FARS2: variants seen among roughly 807,000 people sequenced by gnomAD.
The protein encoded by FARS2 is phenylalanyl-tRNA synthetase 2, mitochondrial.
In FARS2, 40 loss-of-function variants were observed where a neutral mutation model predicts 46.4. That is an observed-to-expected ratio of 0.86 (90% confidence interval 0.67 to 1.12). The LOEUF (loss-of-function observed/expected upper bound fraction) is 1.12. Among genes scored for constraint, FARS2 ranks in the 50% most tolerant of loss-of-function variants. FARS2 has a pLI of 0.00. For missense variants in FARS2, 513 were observed against 567.9 expected, an observed-to-expected ratio of 0.90 and a Z score of 0.98; for synonymous variants, 234 against 214.9, an observed-to-expected ratio of 1.09 and a Z score of -0.78.
At chr6:5,770,051 TGAGGGA>T (rs770898639) in intron 6 of FARS2, among the ~76,000 whole-genome samples, 47 of 152,058 alleles carry the variant, frequency 3.1e-4, no homozygotes, top group African/African-American at 9.9e-4. Context: ...GGCATTCAGA[TGAGGGA>T]GAGGGAGAGG....
intron 3 of FARS2, among the ~76,000 whole-genome samples, chr6:5,419,992 A>G (rs900520493): frequency 6.6e-6 from 1 of 152,206 alleles, no homozygotes; most frequent in Non-Finnish European, 1.5e-5. Flanking sequence ...GACTGGAAAG[A>G]AAAACAGGTT....
intron 4 of FARS2, among the ~76,000 whole-genome samples, chr6:5,531,919 T>C (rs1477925940): frequency 1.3e-5 from 2 of 152,226 alleles, no homozygotes; most frequent in Admixed American, 6.5e-5. Context: ...TATTCCTGCA[T>C]GTCCATCATT....
At chr6:5,485,005 T>G (rs938597321) in intron 4 of FARS2, among the ~76,000 whole-genome samples, 1 of 152,162 alleles carries the variant, frequency 6.6e-6, no homozygotes, top group Non-Finnish European at 1.5e-5. Flanking sequence ...GAGCCCTCCC[T>G]GGGCACTCAG....
chr6:5,654,012 A>G (rs546849136), intron 6 of FARS2, among the ~76,000 whole-genome samples: 17 of 152,266 alleles, frequency 1.1e-4, no homozygotes, highest in African/African-American at 4.1e-4. Context: ...GTGTGTAAGT[A>G]TAGTATCAGT....
At chr6:5,566,483 G>T in intron 5 of FARS2, among the ~76,000 whole-genome samples, 1 of 152,154 alleles carries the variant, frequency 6.6e-6, no homozygotes, top group Admixed American at 6.5e-5. Context: ...GAGGAAAACA[G>T]AGGATTTTCC....
At chr6:5,742,976 C>G (rs1425823041) in intron 6 of FARS2, among the ~76,000 whole-genome samples, 2 of 151,936 alleles carry the variant, frequency 1.3e-5, no homozygotes, top group Non-Finnish European at 2.9e-5. Context: ...AGCAGGGTAC[C>G]TCCAGGGGTG....
intron 1 of FARS2, among the ~76,000 whole-genome samples, chr6:5,319,981 C>A (rs1769851804): frequency 1.3e-5 from 2 of 152,326 alleles, no homozygotes; most frequent in East Asian, 3.9e-4. Context: ...CTGCCCTCTG[C>A]CCATGTGGGA....
chr6:5,290,603 T>C (rs1767435783), intron 1 of FARS2, among the ~76,000 whole-genome samples: 1 of 152,226 alleles, frequency 6.6e-6, no homozygotes, highest in Non-Finnish European at 1.5e-5. Flanking sequence ...TAGGTTGACA[T>C]ACTCCTATTT....
chr6:5,304,902 A>G (rs1386287601), intron 1 of FARS2, among the ~76,000 whole-genome samples: 1 of 152,170 alleles, frequency 6.6e-6, no homozygotes, highest in Non-Finnish European at 1.5e-5. Context: ...CAGTGTGACT[A>G]GGTTCTTAGT....
intron 6 of FARS2, among the ~76,000 whole-genome samples, chr6:5,665,741 T>C (rs1778083222): frequency 6.6e-6 from 1 of 152,204 alleles, no homozygotes; most frequent in Admixed American, 6.5e-5. Flanking sequence ...TTTCAACTAA[T>C]TCCTTTGAGG....
At chr6:5,281,040 A>T (rs984797800) in intron 1 of FARS2, among the ~76,000 whole-genome samples, 1 of 152,188 alleles carries the variant, frequency 6.6e-6, no homozygotes, top group African/African-American at 2.4e-5. Context: ...TTTGGGGAGT[A>T]AAGATTGGGT....
In FARS2 at chr6:5,343,378, A is replaced by C. The variant is rs563892411; in HGVS notation, c.-21-25172A>C. The stretch of plus-strand genomic sequence containing the variant: ...AGGTGCACGCCACCACGCCCAGCTA[A>C]TTTTTGTATTTTTAGTAGAGATAGT... On this transcript the variant is annotated intron_variant, in intron 1 of 6. Transcript: ENST00000274680. This position sits in a 1 kb window ranked among gnomAD's most constrained non-coding sequence, Gnocchi z 4.5. Among the ~76,000 whole-genome samples, 1 of 151,994 alleles carries C rather than the reference A, an allele frequency of 6.6e-6. No homozygotes were observed. Among genetic ancestry groups the C allele is most frequent in the East Asian group, 1.9e-4 (1 of 5,158 alleles).
At position 5,658,662 on chromosome 6, in the gene FARS2, A is replaced by C. The variant is rs1215296752; in HGVS notation, c.1217+45342A>C. Among the ~76,000 whole-genome samples the C allele has an allele frequency of 2.0e-5, 3 of 152,220 alleles. No individual in the cohort carries two copies. In the South Asian group the frequency reaches 6.2e-4, roughly 32 times the overall value. On this transcript the variant is annotated intron_variant, in intron 6 of 6. Transcript: ENST00000274680. ...TGGAGGGAAGTTATAAGAATTTTTC[A>C]TCAAAGAACTAATCTTTTCTAGAAT...
chr6:5,703,467 A>C (rs1056559610), intron 6 of FARS2, among the ~76,000 whole-genome samples: 1 of 152,072 alleles, frequency 6.6e-6, no homozygotes, highest in African/African-American at 2.4e-5. Flanking sequence ...ATCAATTGTG[A>C]TTTTTGCAGC....
chr6:5,266,673 A>G (rs73365003), intron 1 of FARS2, among the ~76,000 whole-genome samples: 13,336 of 151,952 alleles, frequency 0.088, 728 homozygotes, highest in African/African-American at 0.15. Flanking sequence ...AAGGTTATTG[A>G]TTTTTCTTGG....
At chr6:5,527,997 A>G (rs1336950317) in intron 4 of FARS2, among the ~76,000 whole-genome samples, 2 of 152,182 alleles carry the variant, frequency 1.3e-5, no homozygotes, top group Non-Finnish European at 2.9e-5. Flanking sequence ...TCCTTGGTAG[A>G]TCATATGCAA....
At chr6:5,297,339 A>G (rs924654301) in intron 1 of FARS2, among the ~76,000 whole-genome samples, 3 of 152,212 alleles carry the variant, frequency 2.0e-5, no homozygotes, top group African/African-American at 7.2e-5. Context: ...TTTTTAAATA[A>G]AAATTCTCTT....
chr6:5,609,664 A>G, intron 5 of FARS2: 1 of 1,255,636 alleles, frequency 8.0e-7, no homozygotes, highest in Non-Finnish European at 1.2e-6. Flanking sequence ...TCCTAACTTC[A>G]CAGTTGTGGC....
At chr6:5,717,181 C>G (rs150349822) in intron 6 of FARS2, among the ~76,000 whole-genome samples, 1 of 152,026 alleles carries the variant, frequency 6.6e-6, no homozygotes, top group Admixed American at 6.6e-5. Flanking sequence ...AGAGTCCTGC[C>G]TTGGGGAGAA....
Sources: allele counts gnomAD v4.1 joint callset (sites outside exome capture counted in the v4.1 genomes callset), GRCh38; gene constraint gnomAD v4.1.1; non-coding constraint Gnocchi (gnomAD v3.1); transcripts MANE v1.5; gene names NCBI Gene and HGNC (gene_info 2026-07-23, HGNC 2026-07-21).